The following VPS8 variants were observed in gnomAD, a reference collection of about 807,000 sequenced individuals.
VPS8 encodes VPS8 subunit of CORVET complex.
In VPS8, 129 loss-of-function variants were observed where a neutral mutation model predicts 216.4. That is an observed-to-expected ratio of 0.60 (90% confidence interval 0.52 to 0.69). VPS8 has a LOEUF of 0.69. Among genes scored for constraint, VPS8 ranks in the 30% least tolerant of loss-of-function variants. VPS8 has a pLI of 0.00. For synonymous variants in VPS8, 571 were observed against 565.4 expected (o/e 1.01, Z -0.14); for missense variants, 1,531 against 1,683.5 (o/e 0.91, Z 1.59).
At chr3:185,006,646 C>G (rs1224160398) in intron 45 of VPS8, among the ~76,000 whole-genome samples, 2 of 152,100 alleles carry the variant, frequency 1.3e-5, no homozygotes, top group South Asian at 4.2e-4. Context: ...TTACTTTGCC[C>G]CCTTAATTTC....
chr3:185,020,055 G>A (rs962693488), intron 45 of VPS8, among the ~76,000 whole-genome samples: 5 of 152,170 alleles, frequency 3.3e-5, no homozygotes, highest in Admixed American at 6.5e-5. Flanking sequence ...ATGGTTACAC[G>A]CTTTTAAGCA....
chr3:184,973,470 T>C (rs1378978345), intron 40 of VPS8, among the ~76,000 whole-genome samples: 2 of 152,218 alleles, frequency 1.3e-5, no homozygotes, highest in Non-Finnish European at 2.9e-5. Flanking sequence ...TGTGATATTT[T>C]GATACATGCA....
chr3:184,948,376 G>A (rs140633470), intron 36 of VPS8, among the ~76,000 whole-genome samples: 248 of 152,146 alleles, frequency 1.6e-3, no homozygotes, highest in African/African-American at 5.7e-3. Context: ...AATTAGCCAG[G>A]CATGGTAGTC....
At chr3:184,884,121 G>A (rs1271523603) in intron 21 of VPS8, among the ~76,000 whole-genome samples, 2 of 151,926 alleles carry the variant, frequency 1.3e-5, no homozygotes, top group Non-Finnish European at 2.9e-5. Context: ...TGTGCACAAC[G>A]TGCAGGTTTG....
At chr3:184,931,341 A>G (rs571029748) in intron 34 of VPS8, among the ~76,000 whole-genome samples, 57 of 152,312 alleles carry the variant, frequency 3.7e-4, no homozygotes, top group African/African-American at 1.3e-3. Context: ...TCTTTTGGAA[A>G]TAACATTTAA....
chr3:184,875,989 C>CA lies in VPS8; in HGVS notation c.1734+5198dup, dbSNP rs557804099. On this transcript the variant is annotated intron_variant, in intron 21 of 47. Coordinates refer to ENST00000625842, the MANE Select transcript of VPS8 (RefSeq NM_001009921.3). ...TGGGTGACAGAGCAAGACCCTGTCT[C>CA]AAAAAAAAAAAAAAGAGTTGTCTCC... Among the ~76,000 whole-genome samples, 939 of 136,412 alleles carry CA rather than the reference C, an allele frequency of 6.9e-3. 8 individuals are homozygous for CA. The highest frequency in any genetic ancestry group is 0.017 in the African/African-American group (650 of 37,236). The allele number at this position is 136,412 out of a possible 152,430, so 89.5% of individuals were successfully genotyped here. A position where few individuals can be genotyped will look rare whatever the true frequency, so the allele number is the denominator to read the frequency against.
chr3:184,972,004 A>G (rs1267004885), intron 40 of VPS8, among the ~76,000 whole-genome samples: 2 of 151,138 alleles, frequency 1.3e-5, no homozygotes, highest in East Asian at 2.0e-4. Context: ...TGAACCCAGG[A>G]GGCGGAGGTT....
intron 36 of VPS8, among the ~76,000 whole-genome samples, chr3:184,949,774 A>T (rs1744317922): frequency 6.6e-6 from 1 of 152,212 alleles, no homozygotes; most frequent in Admixed American, 6.5e-5. Context: ...TGGCAAAACT[A>T]AGGATTACAT....
At chr3:184,844,362 A>G (rs528063070) in intron 8 of VPS8, among the ~76,000 whole-genome samples, 2 of 152,300 alleles carry the variant, frequency 1.3e-5, no homozygotes, top group South Asian at 4.1e-4. Flanking sequence ...CAGAGGCTGC[A>G]GTGAGCCGAG....
chr3:184,817,435 T>C (rs747465766), intron 1 of VPS8: 9 of 152,176 alleles, frequency 5.9e-5, no homozygotes, highest in Non-Finnish European at 8.8e-5. Flanking sequence ...GAGGAAATCA[T>C]TACAATGTGG....
intron 43 of VPS8, among the ~76,000 whole-genome samples, chr3:184,995,875 A>G (rs1294281051): frequency 6.6e-6 from 1 of 152,226 alleles, no homozygotes; most frequent in Non-Finnish European, 1.5e-5. Context: ...TTTACTAGTG[A>G]AAAGATATTT....
intron 37 of VPS8, among the ~76,000 whole-genome samples, chr3:184,961,571 G>A (rs548184156): frequency 6.6e-6 from 1 of 151,962 alleles, no homozygotes; most frequent in South Asian, 2.1e-4. Flanking sequence ...TCTCCCCTGA[G>A]GTCTCCACCA....
intron 3 of VPS8, among the ~76,000 whole-genome samples, chr3:184,828,249 C>T (rs761874436): frequency 1.1e-4 from 16 of 152,292 alleles, no homozygotes; most frequent in African/African-American, 3.6e-4. Context: ...AAGCGATTCT[C>T]GTGCCTCAGC....
intron 3 of VPS8, among the ~76,000 whole-genome samples, chr3:184,831,201 C>T (rs1012251237): frequency 2.0e-5 from 3 of 152,174 alleles, no homozygotes; most frequent in African/African-American, 7.2e-5. Flanking sequence ...TGGTGGCATG[C>T]ACCTGTAGTC....
intron 41 of VPS8, 137 bp downstream of exon 41, chr3:184,982,784 G>A: frequency 1.3e-6 from 1 of 766,216 alleles, no homozygotes; most frequent in East Asian, 2.8e-5. Flanking sequence ...ATATAGTATG[G>A]TTGATCTCAT....
intron 35 of VPS8, among the ~76,000 whole-genome samples, chr3:184,939,024 T>G (rs1236317122): frequency 2.1e-5 from 3 of 142,976 alleles, no homozygotes; most frequent in Non-Finnish European, 4.5e-5. Context: ...AGTGAGACCC[T>G]GTCTCAAAAA....
Position 184,996,590 on chromosome 3 carries a change from A to G in VPS8, c.3836+89A>G, listed in dbSNP as rs996875982. ...AATCCACATGGATACACGGGTAGTCATTCTAGCAGTGAACGTGATAGGCAA... is the reference window on the plus strand; with the variant it reads ...AATCCACATGGATACACGGGTAGTCGTTCTAGCAGTGAACGTGATAGGCAA... On this transcript the variant is annotated intron_variant, in intron 44 of 47. Coordinates refer to ENST00000625842, the MANE Select transcript of VPS8 (RefSeq NM_001009921.3). The G allele has an allele frequency of 4.2e-6, 6 of 1,419,912 alleles. No individual in the cohort carries two copies. The African/African-American group carries it at 8.6e-5, about 20-fold the overall frequency. 88.0% of individuals were successfully genotyped at this position (1,419,912 alleles called of 1,614,324 possible). A position where few individuals can be genotyped will look rare whatever the true frequency, so the allele number is the denominator to read the frequency against.
At chr3:184,874,631 T>A (rs1203467383) in intron 21 of VPS8, among the ~76,000 whole-genome samples, 1 of 152,176 alleles carries the variant, frequency 6.6e-6, no homozygotes, top group Non-Finnish European at 1.5e-5. Context: ...TAGTTGACCA[T>A]AAACTTAGTA....
At chr3:185,022,165 T>C (rs1323404595) in intron 45 of VPS8, among the ~76,000 whole-genome samples, 1 of 152,188 alleles carries the variant, frequency 6.6e-6, no homozygotes, top group East Asian at 1.9e-4. Context: ...CCCCTTTTGC[T>C]TGGCACTTCT....
Sources: allele counts gnomAD v4.1 joint callset (sites outside exome capture counted in the v4.1 genomes callset), GRCh38; gene constraint gnomAD v4.1.1; transcripts MANE v1.5; gene names NCBI Gene and HGNC (gene_info 2026-07-23, HGNC 2026-07-21).